The following C4orf50 variants were observed in gnomAD, a reference collection of about 807,000 sequenced individuals.
The protein encoded by C4orf50 is uncharacterized protein C4orf50.
C4orf50 carries 80 observed loss-of-function variants against 77.2 expected under a neutral mutation model. The ratio of observed to expected loss-of-function variants is 1.04; its 90% confidence interval spans 0.87 to 1.25. C4orf50 has a LOEUF of 1.25. Among genes scored for constraint, C4orf50 ranks in the 50% most tolerant of loss-of-function variants. C4orf50 has a pLI of 0.00. For missense variants in C4orf50, 1,257 were observed against 1,152.9 expected (o/e 1.09, Z -1.31); for synonymous variants, 532 against 465.3 (o/e 1.14, Z -1.84).
chr4:5,926,080 T>C (rs1411638820), intron 7 of C4orf50, among the ~76,000 whole-genome samples: 1 of 152,186 alleles, frequency 6.6e-6, no homozygotes, highest in Admixed American at 6.5e-5. Context: ...CCAGGGAGTT[T>C]TCCTTTCGCC....
rs1383978450 is a variant in C4orf50, at chr4:5,905,295, A to G, written c.*2475-7107T>C. 1 of 152,210 alleles carries G rather than the reference A, an allele frequency of 6.6e-6. No homozygotes were observed. Among genetic ancestry groups the G allele is most frequent in the African/African-American group, 2.4e-5 (1 of 41,438 alleles). The allele number at this position is 152,210 out of a possible 1,614,324, so 9.4% of individuals were successfully genotyped here. A position where few individuals can be genotyped will look rare whatever the true frequency, so the allele number is the denominator to read the frequency against. On this transcript the variant is annotated intron_variant, in intron 7 of 7. Coordinates refer to the C4orf50 transcript ENST00000324058. The surrounding 1 kb of genome is among the most constrained non-coding windows in gnomAD (Gnocchi z 5.4). ...ATCATACAGAGTAGAAGTATTCCCT[A>G]TTAGTGACTTGAGACAGGAAGATGG...
chr4:5,983,061 TGACTTCTGCTCTATCACCAAGTCCCGTG>T (rs1426331975), intron 28 of C4orf50, among the ~76,000 whole-genome samples: 1 of 152,182 alleles, frequency 6.6e-6, no homozygotes, highest in Non-Finnish European at 1.5e-5. Context: ...CAGGTGTTGG[TGACTTCTGCTCTATCACCAAGTCCCGTG>T]GACTCCAGCT....
intron 23 of C4orf50, among the ~76,000 whole-genome samples, chr4:6,012,393 C>G (rs1022055998): frequency 6.6e-6 from 1 of 152,120 alleles, no homozygotes; most frequent in Admixed American, 6.6e-5. Flanking sequence ...GACTTTTGCT[C>G]AAAGCCACAC....
chr4:5,933,928 A>G (rs1717884350), intron 7 of C4orf50, among the ~76,000 whole-genome samples: 1 of 152,138 alleles, frequency 6.6e-6, no homozygotes, highest in Non-Finnish European at 1.5e-5. Flanking sequence ...AGGACGAGAC[A>G]GGAAGAGGAG....
intron 7 of C4orf50, among the ~76,000 whole-genome samples, chr4:5,929,512 T>G (rs999341995): frequency 6.6e-6 from 1 of 152,260 alleles, no homozygotes; most frequent in East Asian, 1.9e-4. Flanking sequence ...GAACTGACTC[T>G]GAAGTGAATT....
At chr4:5,985,293 TA>T (rs1166594417) in intron 28 of C4orf50, among the ~76,000 whole-genome samples, 1 of 151,832 alleles carries the variant, frequency 6.6e-6, no homozygotes, top group East Asian at 1.9e-4. Flanking sequence ...AAGAACAGAA[TA>T]AGAACATGTA....
intron 7 of C4orf50, among the ~76,000 whole-genome samples, chr4:5,933,547 C>T (rs894097845): frequency 2.0e-5 from 3 of 152,214 alleles, no homozygotes; most frequent in Admixed American, 6.5e-5. Flanking sequence ...TGGCTGGAGT[C>T]CCTGAGGGCT....
intron 7 of C4orf50, among the ~76,000 whole-genome samples, chr4:5,936,933 A>C (rs1183277721): frequency 6.6e-6 from 1 of 152,168 alleles, no homozygotes; most frequent in Non-Finnish European, 1.5e-5. Context: ...GTCTTCATGA[A>C]AGCCAGAAGA....
chr4:6,005,125 G>A (rs1448803951), intron 25 of C4orf50, among the ~76,000 whole-genome samples: 1 of 152,148 alleles, frequency 6.6e-6, no homozygotes, highest in Admixed American at 6.6e-5. Context: ...ATTCCTGCCT[G>A]CAACTCTGAG....
intron 7 of C4orf50, among the ~76,000 whole-genome samples, chr4:5,915,477 G>T (rs920010909): frequency 4.6e-5 from 7 of 152,194 alleles, no homozygotes; most frequent in African/African-American, 1.7e-4. Context: ...GAATGACCAT[G>T]GGACACATTT....
At chr4:5,989,555 C>G in exon 28 of C4orf50, 2 of 1,536,170 alleles carry the variant, frequency 1.3e-6, no homozygotes, top group Non-Finnish European at 1.7e-6. Context: ...CATGCAGAGG[C>G]TGAGCACTGC....
chr4:5,986,627 C>T (rs1266547924), intron 28 of C4orf50, among the ~76,000 whole-genome samples: 1 of 151,812 alleles, frequency 6.6e-6, no homozygotes, highest in Non-Finnish European at 1.5e-5. Flanking sequence ...CAACCTCCGC[C>T]TCCCAGGTTC....
chr4:5,981,745 C>T (rs1293850028), intron 28 of C4orf50, among the ~76,000 whole-genome samples: 1 of 152,136 alleles, frequency 6.6e-6, no homozygotes, highest in Admixed American at 6.5e-5. Flanking sequence ...GCTGCTGAGG[C>T]GGCCTTAGAA....
At chr4:5,933,233 G>C (rs1450594273) in intron 7 of C4orf50, among the ~76,000 whole-genome samples, 2 of 152,224 alleles carry the variant, frequency 1.3e-5, no homozygotes, top group Non-Finnish European at 2.9e-5. Flanking sequence ...ACTTTGTCAA[G>C]AGTGCTTTTG....
chr4:5,973,586 C>T (rs1720057006), intron 31 of C4orf50, 73 bp downstream of exon 9: 2 of 1,276,674 alleles, frequency 1.6e-6, no homozygotes, highest in Non-Finnish European at 2.2e-6. Flanking sequence ...CTGCTCCAGT[C>T]AGGCAGGGGC....
intron 25 of C4orf50, among the ~76,000 whole-genome samples, chr4:6,005,816 G>A (rs1048185530): frequency 2.6e-5 from 4 of 152,024 alleles, no homozygotes; most frequent in African/African-American, 9.7e-5. Context: ...TGAGAAGTGC[G>A]ACTGTACACA....
intron 7 of C4orf50, among the ~76,000 whole-genome samples, chr4:5,907,097 A>C (rs1255803072): frequency 6.6e-6 from 1 of 152,220 alleles, no homozygotes. Flanking sequence ...GCATCTGGGT[A>C]CTGCTGCAGT....
intron 26 of C4orf50, among the ~76,000 whole-genome samples, chr4:5,993,155 G>A (rs1721389064): frequency 6.6e-6 from 1 of 152,124 alleles, no homozygotes. Flanking sequence ...GAGACCCCAG[G>A]GCTCCATGCC....
chr4:5,928,514 C>T (rs1396189546), intron 7 of C4orf50, among the ~76,000 whole-genome samples: 2 of 152,158 alleles, frequency 1.3e-5, no homozygotes. Context: ...AACCAGGAGG[C>T]AGATCTGTGT....
Sources: gnomAD v4.1 joint callset for allele counts (sites outside exome capture counted in the v4.1 genomes callset) on GRCh38, gnomAD v4.1.1 for gene constraint, Gnocchi (gnomAD v3.1) non-coding constraint, MANE v1.5 for transcripts, NCBI Gene and HGNC (gene_info 2026-07-23, HGNC 2026-07-21) for gene names.